The following ASIC2 variants were observed in gnomAD, a reference collection of about 807,000 sequenced individuals.
ASIC2 encodes the protein acid sensing ion channel subunit 2.
Under a neutral mutation model 57.3 loss-of-function variants are expected in ASIC2, and 25 were observed. The observed-to-expected ratio is 0.44, with a 90% CI of 0.32 to 0.61. ASIC2 has a LOEUF of 0.61. ASIC2 is among the 20% of genes least tolerant of loss of function. ASIC2 has a pLI of 0.06. For missense variants in ASIC2, 641 were observed against 738.1 expected (o/e 0.87, Z 1.52); for synonymous variants, 319 against 307.5 (o/e 1.04, Z -0.39).
intron 1 of ASIC2, among the ~76,000 whole-genome samples, chr17:34,049,105 CA>C (rs1908446315): frequency 6.6e-6 from 1 of 151,732 alleles, no homozygotes; most frequent in East Asian, 1.9e-4. Flanking sequence ...CAAGACTAGC[CA>C]GGGCAACATA....
intron 1 of ASIC2, among the ~76,000 whole-genome samples, chr17:33,593,447 AATC>A (rs1904887780): frequency 6.6e-6 from 1 of 152,210 alleles, no homozygotes; most frequent in East Asian, 1.9e-4. Flanking sequence ...GAGCCTCAGA[AATC>A]ATCTCTTTCA....
chr17:34,041,759 C>T (rs1441918156), intron 1 of ASIC2, among the ~76,000 whole-genome samples: 4 of 152,162 alleles, frequency 2.6e-5, no homozygotes, highest in Non-Finnish European at 1.5e-5. Flanking sequence ...TTTCTAGAAG[C>T]TTAGAATTTA....
At chr17:33,652,118 T>C (rs1268132663) in intron 1 of ASIC2, among the ~76,000 whole-genome samples, 1 of 152,100 alleles carries the variant, frequency 6.6e-6, no homozygotes, top group Non-Finnish European at 1.5e-5. Context: ...CCAGCAAGAA[T>C]GGAAAATAAG....
chr17:33,970,128 C>A (rs1466950462), intron 1 of ASIC2, among the ~76,000 whole-genome samples: 1 of 152,188 alleles, frequency 6.6e-6, no homozygotes, highest in Admixed American at 6.5e-5. Flanking sequence ...TTGTAGGGAG[C>A]TGCTCTGTGG....
chr17:34,124,149 T>G (rs1342547089), intron 1 of ASIC2, among the ~76,000 whole-genome samples: 1 of 152,164 alleles, frequency 6.6e-6, no homozygotes, highest in Non-Finnish European at 1.5e-5. Flanking sequence ...TGGTATTATT[T>G]TTCTCACCAT....
At chr17:34,148,237 C>T (rs1904369078) in intron 1 of ASIC2, among the ~76,000 whole-genome samples, 1 of 152,284 alleles carries the variant, frequency 6.6e-6, no homozygotes, top group Non-Finnish European at 1.5e-5. Flanking sequence ...GCAGTAGCTT[C>T]AGTTTTTTCT....
At chr17:33,676,399 C>T (rs1330077615) in intron 1 of ASIC2, among the ~76,000 whole-genome samples, 1 of 152,076 alleles carries the variant, frequency 6.6e-6, no homozygotes, top group Admixed American at 6.5e-5. Flanking sequence ...CACTAAATAG[C>T]CAAATTGTGA....
intron 3 of ASIC2, among the ~76,000 whole-genome samples, chr17:33,044,454 C>A (rs932862095): frequency 6.6e-6 from 1 of 152,140 alleles, no homozygotes; most frequent in Non-Finnish European, 1.5e-5. Context: ...CTCACTGCAA[C>A]CTCCGCCTCC....
At chr17:33,834,996 T>C (rs535178017) in intron 1 of ASIC2, among the ~76,000 whole-genome samples, 28 of 152,208 alleles carry the variant, frequency 1.8e-4, no homozygotes, top group African/African-American at 6.5e-4. Flanking sequence ...ATATTTTCAA[T>C]AAATATTTAT....
chr17:33,368,197 G>C (rs994987136), intron 1 of ASIC2, among the ~76,000 whole-genome samples: 3 of 152,186 alleles, frequency 2.0e-5, no homozygotes, highest in African/African-American at 4.8e-5. Flanking sequence ...CTGAGTCTAG[G>C]TCATAAAAAG....
intron 1 of ASIC2, among the ~76,000 whole-genome samples, chr17:33,899,225 C>G (rs1298198554): frequency 6.6e-6 from 1 of 152,084 alleles, no homozygotes; most frequent in African/African-American, 2.4e-5. Context: ...TTTCACCTCT[C>G]CACACCCTAG....
chr17:33,893,016 G>A (rs1289537945), intron 1 of ASIC2, among the ~76,000 whole-genome samples: 1 of 152,092 alleles, frequency 6.6e-6, no homozygotes, highest in Admixed American at 6.5e-5. Flanking sequence ...AAAGTTATGG[G>A]GCTTTTATTA....
chr17:33,517,841 A>T (rs1323833459), intron 1 of ASIC2, among the ~76,000 whole-genome samples: 2 of 152,150 alleles, frequency 1.3e-5, no homozygotes, highest in Non-Finnish European at 2.9e-5. Flanking sequence ...CTAAAACTTA[A>T]AGCATAATAA....
At chr17:33,338,489 G>C (rs1242167063) in intron 1 of ASIC2, among the ~76,000 whole-genome samples, 3 of 152,062 alleles carry the variant, frequency 2.0e-5, no homozygotes, top group Non-Finnish European at 2.9e-5. Context: ...TGAGGAGAAG[G>C]TAATTCCAGG....
chr17:33,177,898 T>C (rs939982475), intron 1 of ASIC2, among the ~76,000 whole-genome samples: 1 of 152,186 alleles, frequency 6.6e-6, no homozygotes. Flanking sequence ...ACCAGTCTAG[T>C]TCCTGACCTT....
chr17:33,437,549 C>A (rs932056407), intron 1 of ASIC2, among the ~76,000 whole-genome samples: 16 of 152,088 alleles, frequency 1.1e-4, no homozygotes, highest in Non-Finnish European at 1.8e-4. Flanking sequence ...TGCCGGTAAT[C>A]CCAGCACTCT....
chr17:33,960,741 C>G (rs1051248664), intron 1 of ASIC2, among the ~76,000 whole-genome samples: 6 of 152,136 alleles, frequency 3.9e-5, no homozygotes, highest in African/African-American at 7.2e-5. Context: ...TACCTAAGTC[C>G]TACGATTCCT....
rs149050686 is a variant in ASIC2, at chr17:33,593,185, A to G, written c.556-481118T>C. 8.5e-5 allele frequency among the ~76,000 whole-genome samples: 13 copies of G among 152,386 alleles called. No homozygotes were observed. The East Asian group carries it at 2.5e-3, about 29-fold the overall frequency. ...GAAAGGTTTTTGATAATATCAAAAC[A>G]TCCACTGCAGATGCAGCAATTGTAT... On this transcript the variant is annotated intron_variant, in intron 1 of 9. Transcript: ENST00000359872.
intron 1 of ASIC2, among the ~76,000 whole-genome samples, chr17:33,961,044 C>A (rs1227162039): frequency 6.6e-6 from 1 of 152,174 alleles, no homozygotes; most frequent in Non-Finnish European, 1.5e-5. Flanking sequence ...GTGGGTCAGC[C>A]AGCTAGGCAT....
Sources: allele counts gnomAD v4.1 joint callset (sites outside exome capture counted in the v4.1 genomes callset), GRCh38; gene constraint gnomAD v4.1.1; transcripts MANE v1.5; gene names NCBI Gene and HGNC (gene_info 2026-07-23, HGNC 2026-07-21).